WIPF3: variants seen among roughly 807,000 people sequenced by gnomAD.
The protein encoded by WIPF3 is WAS/WASL interacting protein family member 3.
In WIPF3, 33 loss-of-function variants were observed where a neutral mutation model predicts 38.9. That is an observed-to-expected ratio of 0.85 (90% CI 0.64 to 1.14). The LOEUF (loss-of-function observed/expected upper bound fraction) is 1.14, where lower values mean the gene tolerates loss of function less well. WIPF3 is among the 50% of genes most tolerant of loss of function. WIPF3 has a pLI of 0.00. For synonymous variants in WIPF3, 324 were observed against 269.3 expected (o/e 1.20, Z -1.99); for missense variants, 711 against 652.5 (o/e 1.09, Z -0.98).
At chr7:29,858,658 G>C (rs1248853287) in intron 2 of WIPF3, among the ~76,000 whole-genome samples, 1 of 152,190 alleles carries the variant, frequency 6.6e-6, no homozygotes, top group Non-Finnish European at 1.5e-5. Flanking sequence ...ATTTTATTTT[G>C]ATTCATTGCA....
chr7:29,892,391 G>A (rs1240227287), intron 7 of WIPF3, among the ~76,000 whole-genome samples: 1 of 152,192 alleles, frequency 6.6e-6, no homozygotes, highest in Non-Finnish European at 1.5e-5. Flanking sequence ...AGGAGATAAG[G>A]GTGCCTTCTA....
At chr7:29,874,845 A>C (rs117022211) in intron 2 of WIPF3, among the ~76,000 whole-genome samples, 1 of 152,328 alleles carries the variant, frequency 6.6e-6, no homozygotes, top group East Asian at 1.9e-4. Flanking sequence ...TTTTCCTGCA[A>C]ATATATTAAT....
intron 2 of WIPF3, among the ~76,000 whole-genome samples, chr7:29,857,819 A>G (rs1785210710): frequency 6.6e-6 from 1 of 152,216 alleles, no homozygotes; most frequent in African/African-American, 2.4e-5. Flanking sequence ...AATTGAGCAC[A>G]AAGTACAGAG....
intron 2 of WIPF3, among the ~76,000 whole-genome samples, chr7:29,867,212 C>T (rs1221647273): frequency 6.6e-6 from 1 of 152,062 alleles, no homozygotes; most frequent in Non-Finnish European, 1.5e-5. Flanking sequence ...TGTGTGCACT[C>T]TAAGTAGAGA....
At chr7:29,899,837 C>T (rs1037447188) in intron 7 of WIPF3, among the ~76,000 whole-genome samples, 12 of 152,004 alleles carry the variant, frequency 7.9e-5, no homozygotes, top group South Asian at 2.1e-4. Context: ...AAAATAAATT[C>T]GTGTATCTGC....
chr7:29,879,052 A>G lies in WIPF3; in HGVS notation c.267A>G (p.Thr89=), dbSNP rs1583615878. The stretch of plus-strand genomic sequence containing the variant: ...AAGAAGGAGGAGGTTCTGCAAACAC[A>G]CGAGGCGCGAGCACACCTCCCACCC... ...TNKEGGGSAN[T]RGASTPPTLG... The change falls in exon 4 of 9, where the codon ACA becomes ACG. Residue 89 remains threonine (T), a synonymous_variant. Transcript: ENST00000242140. 9 of 1,606,172 alleles carry G rather than the reference A, an allele frequency of 5.6e-6. No homozygotes were observed. In the East Asian group the frequency reaches 2.0e-4, roughly 36 times the overall value.
intron 1 of WIPF3, among the ~76,000 whole-genome samples, chr7:29,831,630 A>G (rs1185609555): frequency 6.6e-6 from 1 of 152,234 alleles, no homozygotes; most frequent in Non-Finnish European, 1.5e-5. Flanking sequence ...AAAAATCTTC[A>G]TGGCTTAACA....
At chr7:29,849,289 G>A (rs975563264) in intron 2 of WIPF3, among the ~76,000 whole-genome samples, 2 of 152,140 alleles carry the variant, frequency 1.3e-5, no homozygotes, top group African/African-American at 4.8e-5. Context: ...AGGAATGTCA[G>A]AGAAGCTGTG....
intron 7 of WIPF3, among the ~76,000 whole-genome samples, chr7:29,898,883 C>T (rs1012870106): frequency 4.6e-5 from 7 of 152,102 alleles, no homozygotes; most frequent in Non-Finnish European, 1.0e-4. Context: ...TCCATGTGAC[C>T]GTCTCCCTAC....
chr7:29,876,271 G>A (rs1334186995), intron 3 of WIPF3, among the ~76,000 whole-genome samples: 3 of 152,230 alleles, frequency 2.0e-5, no homozygotes, highest in Non-Finnish European at 4.4e-5. Context: ...CCATTTTAAA[G>A]TGTTCAATCA....
rs1051052523 is a variant in WIPF3, at chr7:29,834,657, C to T, written c.-57-11C>T. ...ATCCAAGTTTAAATCCATTCTTTTT[C>T]TCTTTTTCAGAGCAGAAGCCACTCT... On this transcript the variant is annotated splice_polypyrimidine_tract_variant and intron_variant, in intron 1 of 8. Coordinates refer to ENST00000242140, the MANE Select transcript of WIPF3 (RefSeq NM_001080529.3). 2.2e-6 allele frequency: 3 copies of T among 1,387,666 alleles called. No homozygotes were observed. Among genetic ancestry groups the T allele is most frequent in the Non-Finnish European group, 2.8e-6 (3 of 1,068,014 alleles). 86.0% of individuals were successfully genotyped at this position (1,387,666 alleles called of 1,614,324 possible).
intron 1 of WIPF3, among the ~76,000 whole-genome samples, chr7:29,813,946 G>T (rs1466127981): frequency 6.6e-6 from 1 of 151,050 alleles, no homozygotes; most frequent in Non-Finnish European, 1.5e-5. Flanking sequence ...TTTGAGACAG[G>T]GTTTCGCTCT....
intron 5 of WIPF3, among the ~76,000 whole-genome samples, chr7:29,886,291 G>T (rs1474676111): frequency 6.8e-6 from 1 of 146,614 alleles, no homozygotes; most frequent in Non-Finnish European, 1.5e-5. Flanking sequence ...GGGCTGATAA[G>T]CCCCTTCTGA....
chr7:29,834,880 G>C, intron 2 of WIPF3, 66 bp downstream of exon 2: 1 of 1,495,570 alleles, frequency 6.7e-7, no homozygotes. Context: ...TTGAGCAGAA[G>C]GTTTTAAATG....
chr7:29,840,329 A>T (rs1784894082), intron 2 of WIPF3, among the ~76,000 whole-genome samples: 1 of 152,096 alleles, frequency 6.6e-6, no homozygotes, highest in South Asian at 2.1e-4. Context: ...CTGCATAGCC[A>T]TTGAGAGCCT....
intron 7 of WIPF3, among the ~76,000 whole-genome samples, chr7:29,903,419 A>G (rs972914436): frequency 6.6e-6 from 1 of 152,236 alleles, no homozygotes; most frequent in Non-Finnish European, 1.5e-5. Context: ...GTTCACTATT[A>G]TAAATAGTCT....
chr7:29,833,317 A>T (rs1376706936), intron 1 of WIPF3, among the ~76,000 whole-genome samples: 1 of 152,196 alleles, frequency 6.6e-6, no homozygotes, highest in Non-Finnish European at 1.5e-5. Flanking sequence ...TAAAATGATA[A>T]ATCTGATATT....
At chr7:29,821,331 G>T (rs965376449) in intron 1 of WIPF3, among the ~76,000 whole-genome samples, 3 of 151,958 alleles carry the variant, frequency 2.0e-5, no homozygotes, top group Non-Finnish European at 2.9e-5. Context: ...ATCTCACTCT[G>T]TCACCCAGGC....
intron 1 of WIPF3, among the ~76,000 whole-genome samples, chr7:29,809,241 C>T (rs1784334214): frequency 6.6e-6 from 1 of 152,042 alleles, no homozygotes; most frequent in Non-Finnish European, 1.5e-5. Context: ...TTTGTTTTAC[C>T]ACCAGTTTCA....
Sources: gnomAD v4.1 joint callset for allele counts (sites outside exome capture counted in the v4.1 genomes callset) on GRCh38, gnomAD v4.1.1 for gene constraint, MANE v1.5 for transcripts, NCBI Gene and HGNC (gene_info 2026-07-23, HGNC 2026-07-21) for gene names.